KIF13B: variants seen among roughly 807,000 people sequenced by gnomAD.
KIF13B encodes the protein kinesin-like protein KIF13B.
KIF13B carries 127 observed loss-of-function variants against 222.0 expected under a neutral mutation model. That is an observed-to-expected ratio of 0.57 (90% CI 0.50 to 0.66). The LOEUF (loss-of-function observed/expected upper bound fraction) is 0.66, where lower values mean the gene tolerates loss of function less well. KIF13B is among the 30% of genes least tolerant of loss of function. KIF13B has a pLI of 0.00. For synonymous variants in KIF13B, 976 were observed against 919.0 expected (o/e 1.06, Z -1.12); for missense variants, 2,173 against 2,379.0 (o/e 0.91, Z 1.80).
At chr8:29,238,442 T>C (rs1448387989) in intron 2 of KIF13B, among the ~76,000 whole-genome samples, 2 of 152,180 alleles carry the variant, frequency 1.3e-5, no homozygotes, top group Non-Finnish European at 2.9e-5. Flanking sequence ...TCATATTAGG[T>C]ACTCATTAAT....
At chr8:29,159,286 G>A (rs990475641) in intron 13 of KIF13B, among the ~76,000 whole-genome samples, 3 of 152,194 alleles carry the variant, frequency 2.0e-5, no homozygotes, top group African/African-American at 4.8e-5. Context: ...AAGTAGCTGG[G>A]ACTACAGGCA....
At chr8:29,190,934 G>T in intron 4 of KIF13B, 63 bp downstream of exon 4, 1 of 1,322,934 alleles carries the variant, frequency 7.6e-7, no homozygotes. Context: ...ATCGTGTAAG[G>T]GAAAAAATAC....
intron 1 of KIF13B, among the ~76,000 whole-genome samples, chr8:29,259,262 T>G (rs1816598013): frequency 6.6e-6 from 1 of 152,172 alleles, no homozygotes; most frequent in Admixed American, 6.6e-5. Flanking sequence ...TACTTCTGTG[T>G]CTTTCACCAC....
At position 29,116,992 on chromosome 8, in the gene KIF13B, A is replaced by G. The variant is rs1211347611; in HGVS notation, c.3676T>C (p.Ser1226Pro). ...CAGCCATGCACCGCGGAGTCCCAGG[A>G]GGCTTCTGCTTTCACCTGGAGAGAA... ...QHDGEVKAEA[S>P]WDSAVHGCPQ... Residue 1226 changes from serine (S) to proline (P), a missense_variant, in exon 31 of 40, where the codon TCC becomes CCC. Ser to Pro is a moderately conservative substitution (Grantham distance 74, BLOSUM62 -1). Coordinates refer to ENST00000524189, the MANE Select transcript of KIF13B (RefSeq NM_015254.4). 1.9e-6 allele frequency: 3 copies of G among 1,585,054 alleles called. No individual in the cohort carries two copies. Among genetic ancestry groups the G allele is most frequent in the African/African-American group, 2.7e-5 (2 of 73,994 alleles).
intron 10 of KIF13B, among the ~76,000 whole-genome samples, chr8:29,172,825 T>C (rs1812306043): frequency 6.6e-6 from 1 of 152,206 alleles, no homozygotes; most frequent in African/African-American, 2.4e-5. Flanking sequence ...CAGGTGCTCC[T>C]GGCCTCCAGG....
In KIF13B at chr8:29,202,830, G is replaced by A. The variant is rs138900490; in HGVS notation, c.150-6631C>T. Among the ~76,000 whole-genome samples, 345 of 152,070 alleles carry A rather than the reference G, an allele frequency of 2.3e-3. 3 individuals are homozygous for A. The highest frequency in any genetic ancestry group is 3.7e-3 in the Non-Finnish European group (250 of 67,988). On this transcript the variant is annotated intron_variant, in intron 2 of 39. Transcript: ENST00000524189. ...CCTGTGGACCACTGGAGGCTCAGGC[G>A]TCATCTCCCCCAACTCAGCTACGTC...
Position 29,109,900 on chromosome 8 carries a change from T to A in KIF13B, c.4083+18A>T, listed in dbSNP as rs1690209014. ...ATCAGGGCCTCTGCTGCCCGCCCTA[T>A]CCATGCGGTTGGCTAACCTGGCGCA... On this transcript the variant is annotated intron_variant, in intron 33 of 39. Coordinates refer to ENST00000524189, the MANE Select transcript of KIF13B (RefSeq NM_015254.4). The A allele has an allele frequency of 6.2e-7, 1 of 1,612,174 alleles. No individual in the cohort carries two copies. Among genetic ancestry groups the A allele is most frequent in the Non-Finnish European group, 8.5e-7 (1 of 1,179,318 alleles).
At chr8:29,190,754 AG>A (rs1256914709) in intron 4 of KIF13B, 1 of 486,276 alleles carries the variant, frequency 2.1e-6, no homozygotes, top group African/African-American at 2.0e-5. Context: ...CGCTGTCCCC[AG>A]GTAGAGAGCA....
chr8:29,171,750 T>A (rs1812248962), intron 10 of KIF13B, among the ~76,000 whole-genome samples: 1 of 150,090 alleles, frequency 6.7e-6, no homozygotes, highest in Admixed American at 6.7e-5. Context: ...CATATAATTT[T>A]TTTTTCTTCT....
chr8:29,165,538 C>T, intron 12 of KIF13B, 124 bp downstream of exon 12: 1 of 622,664 alleles, frequency 1.6e-6, no homozygotes, highest in Non-Finnish European at 2.9e-6. Flanking sequence ...ATCTAGATTC[C>T]TAATGATAGT....
intron 37 of KIF13B, among the ~76,000 whole-genome samples, chr8:29,080,684 C>A (rs1380678760): frequency 1.3e-5 from 2 of 152,182 alleles, no homozygotes; most frequent in Non-Finnish European, 2.9e-5. Flanking sequence ...ACCTGATCAC[C>A]TCTGGGCTTC....
chr8:29,166,839 T>C (rs150727360), intron 11 of KIF13B, among the ~76,000 whole-genome samples: 1,787 of 152,214 alleles, frequency 0.012, 25 homozygotes, highest in South Asian at 0.067. Flanking sequence ...CATTACAGAA[T>C]ACACAGAAAA....
intron 14 of KIF13B, among the ~76,000 whole-genome samples, chr8:29,151,711 A>G (rs1406574216): frequency 1.3e-5 from 2 of 152,186 alleles, no homozygotes; most frequent in African/African-American, 2.4e-5. Context: ...TCCTTCCAAA[A>G]TATTACTGCT....
At position 29,099,125 on chromosome 8, in the gene KIF13B, T is replaced by A; in HGVS notation, c.4324+8A>T. The A allele has an allele frequency of 6.3e-7, 1 of 1,594,370 alleles. No homozygotes were observed. Among genetic ancestry groups the A allele is most frequent in the Middle Eastern group, 1.7e-4 (1 of 6,036 alleles). On this transcript the variant is annotated splice_region_variant and intron_variant, in intron 36 of 39. Coordinates refer to ENST00000524189, the MANE Select transcript of KIF13B (RefSeq NM_015254.4). ...TGACAGTAATTGACAAGTGAAAAGATAACTTACCTGGATCTGGAGAATGGT... is the reference window on the plus strand; with the variant it reads ...TGACAGTAATTGACAAGTGAAAAGAAAACTTACCTGGATCTGGAGAATGGT...
chr8:29,177,001 T>C (rs2130248720), intron 9 of KIF13B, among the ~76,000 whole-genome samples: 1 of 152,340 alleles, frequency 6.6e-6, no homozygotes, highest in South Asian at 2.1e-4. Flanking sequence ...AGATCAACAG[T>C]TCCACTCTGA....
At chr8:29,125,398 C>T (rs1309266055) in intron 26 of KIF13B, among the ~76,000 whole-genome samples, 1 of 152,144 alleles carries the variant, frequency 6.6e-6, no homozygotes, top group Non-Finnish European at 1.5e-5. Context: ...TAGCCTATGA[C>T]ATTGTTGTGG....
intron 3 of KIF13B, 71 bp from the exon 4 acceptor site, chr8:29,191,128 T>C: frequency 8.8e-7 from 1 of 1,140,012 alleles, no homozygotes; most frequent in Non-Finnish European, 1.3e-6. Context: ...CTGATAGAAC[T>C]GTTCATAATA....
chr8:29,177,322 T>C (rs992801869), intron 9 of KIF13B, 144 bp downstream of exon 9: 21 of 618,734 alleles, frequency 3.4e-5, no homozygotes, highest in South Asian at 5.6e-5. Flanking sequence ...ATCAGGCATC[T>C]CAACAAAACC....
chr8:29,240,901 A>C (rs1321676249), intron 2 of KIF13B, among the ~76,000 whole-genome samples: 1 of 152,202 alleles, frequency 6.6e-6, no homozygotes, highest in Non-Finnish European at 1.5e-5. Context: ...CCAGTTTGGC[A>C]ATTCCTCAAA....
Sources: gnomAD v4.1 joint callset for allele counts (sites outside exome capture counted in the v4.1 genomes callset) on GRCh38, gnomAD v4.1.1 for gene constraint, MANE v1.5 for transcripts, NCBI Gene and HGNC (gene_info 2026-07-23, HGNC 2026-07-21) for gene names.